Variants in RABGAP1L observed in about 807,000 individuals in gnomAD.
RABGAP1L encodes RAB GTPase activating protein 1 like.
A neutral mutation model predicts 137.7 loss-of-function variants in RABGAP1L; 63 were observed. That is an observed-to-expected ratio of 0.46 (90% CI 0.37 to 0.56). The LOEUF (loss-of-function observed/expected upper bound fraction) is 0.56, where lower values mean the gene tolerates loss of function less well. Among genes scored for constraint, RABGAP1L ranks in the 20% least tolerant of loss-of-function variants. RABGAP1L has a pLI of 0.00. For synonymous variants in RABGAP1L, 431 were observed against 433.7 expected, an observed-to-expected ratio of 0.99 and a Z score of 0.08; for missense variants, 1,095 against 1,244.0, an observed-to-expected ratio of 0.88 and a Z score of 1.80.
At chr1:174,570,546 T>G (rs551855851) in intron 13 of RABGAP1L, among the ~76,000 whole-genome samples, 33 of 152,084 alleles carry the variant, frequency 2.2e-4, no homozygotes, top group African/African-American at 7.5e-4. Flanking sequence ...GAGTAAAGAT[T>G]GAAAATGAAC....
At chr1:174,195,398 C>T (rs538177125) in intron 1 of RABGAP1L, among the ~76,000 whole-genome samples, 1 of 151,906 alleles carries the variant, frequency 6.6e-6, no homozygotes, top group African/African-American at 2.4e-5. Context: ...TAATTTTTCC[C>T]TATATACTCA....
At chr1:174,526,416 G>C (rs1054639503) in intron 13 of RABGAP1L, among the ~76,000 whole-genome samples, 1 of 152,104 alleles carries the variant, frequency 6.6e-6, no homozygotes, top group Non-Finnish European at 1.5e-5. Context: ...AGGAGGATTG[G>C]TATTAGTTCT....
intron 12 of RABGAP1L, among the ~76,000 whole-genome samples, chr1:174,388,549 C>T (rs956456902): frequency 7.9e-5 from 12 of 151,782 alleles, no homozygotes; most frequent in African/African-American, 2.9e-4. Context: ...CAAAACTAAA[C>T]GTGGTAGCAA....
chr1:174,984,035 AT>A (rs1162711248), intron 24 of RABGAP1L, among the ~76,000 whole-genome samples: 1 of 133,516 alleles, frequency 7.5e-6, no homozygotes, highest in Non-Finnish European at 1.6e-5. Flanking sequence ...CCTGAAGTGA[AT>A]TTTTTTTGTA....
chr1:174,820,447 G>A (rs936830554), intron 19 of RABGAP1L, among the ~76,000 whole-genome samples: 3 of 152,162 alleles, frequency 2.0e-5, no homozygotes, highest in African/African-American at 7.2e-5. Context: ...CTTTTGAGCT[G>A]GTAGTTTCTG....
intron 11 of RABGAP1L, among the ~76,000 whole-genome samples, chr1:174,349,221 C>T (rs1372003993): frequency 5.5e-4 from 63 of 115,036 alleles, no homozygotes; most frequent in East Asian, 5.1e-3. Context: ...GCTGGCCGGG[C>T]GGGGGGGCTG....
chr1:174,903,518 A>G (rs973754217), intron 19 of RABGAP1L, among the ~76,000 whole-genome samples: 2 of 152,208 alleles, frequency 1.3e-5, no homozygotes, highest in Admixed American at 6.5e-5. Context: ...GGAAAATAAA[A>G]TGTTCATGTG....
In RABGAP1L at chr1:174,291,194, ACT is replaced by A. The variant is rs540297280; in HGVS notation, c.1323+12418_1323+12419del. 5.7e-3 allele frequency among the ~76,000 whole-genome samples: 855 copies of A among 150,400 alleles called. 10 individuals carry two copies. The highest frequency in any genetic ancestry group is 0.02 in the African/African-American group (806 of 41,016). ...TCTTCCCCCTGTGAACAGTGTTGAA[ACT>A]CTATCAAATATTTTTCTGCATCTTT... On this transcript the variant is annotated intron_variant, in intron 10 of 25. Transcript: ENST00000681986.
intron 1 of RABGAP1L, among the ~76,000 whole-genome samples, chr1:174,194,648 G>A (rs1003844876): frequency 3.3e-5 from 5 of 152,292 alleles, no homozygotes; most frequent in Non-Finnish European, 5.9e-5. Context: ...TGCTAAGATT[G>A]TTATCAGTTA....
chr1:174,317,514 G>C (rs1203695089), intron 11 of RABGAP1L, among the ~76,000 whole-genome samples: 1 of 152,218 alleles, frequency 6.6e-6, no homozygotes, highest in East Asian at 1.9e-4. Flanking sequence ...TGGTATCCAA[G>C]ATGTAAGACA....
chr1:174,973,921 A>AGGG (rs1670388177), intron 21 of RABGAP1L, among the ~76,000 whole-genome samples: 1 of 150,606 alleles, frequency 6.6e-6, no homozygotes, highest in Non-Finnish European at 1.5e-5. Flanking sequence ...CTGCAGTTAC[A>AGGG]GGGAGAGAGT....
At chr1:174,471,566 A>G (rs1657939841) in intron 13 of RABGAP1L, among the ~76,000 whole-genome samples, 1 of 152,222 alleles carries the variant, frequency 6.6e-6, no homozygotes, top group Non-Finnish European at 1.5e-5. Context: ...ACTGTCACAA[A>G]TAGCTCTAAT....
intron 13 of RABGAP1L, among the ~76,000 whole-genome samples, chr1:174,631,742 C>T (rs1313651440): frequency 7.1e-6 from 1 of 141,494 alleles, no homozygotes; most frequent in Non-Finnish European, 1.5e-5. Flanking sequence ...TTTCCATTTG[C>T]TTGGTAGATC....
At position 174,491,632 on chromosome 1, in the gene RABGAP1L, C is replaced by T. The variant is rs1309067466; in HGVS notation, c.1710+97487C>T. Among the ~76,000 whole-genome samples, 3 of 152,120 alleles carry T rather than the reference C, an allele frequency of 2.0e-5. No individual in the cohort carries two copies. In the East Asian group the frequency reaches 5.8e-4, roughly 29 times the overall value. On this transcript the variant is annotated intron_variant, in intron 13 of 25. Coordinates refer to ENST00000681986, the MANE Select transcript of RABGAP1L (RefSeq NM_001366446.1). ...TCCCCCCAGTCCACTGGCTCTGACA[C>T]CAGCCCAGCACAAGGACTCACCTAC...
chr1:174,317,582 G>A (rs1679498364), intron 11 of RABGAP1L, among the ~76,000 whole-genome samples: 1 of 152,086 alleles, frequency 6.6e-6, no homozygotes, highest in Non-Finnish European at 1.5e-5. Context: ...GTCTTTTGGA[G>A]CTGTGAGCTA....
chr1:174,919,783 G>A (rs1466677474), intron 19 of RABGAP1L, among the ~76,000 whole-genome samples: 1 of 152,140 alleles, frequency 6.6e-6, no homozygotes. Context: ...TTGAGCCCAG[G>A]AGTTTCAGGC....
At chr1:174,499,073 C>A (rs1572064270) in intron 13 of RABGAP1L, among the ~76,000 whole-genome samples, 1 of 151,884 alleles carries the variant, frequency 6.6e-6, no homozygotes, top group Admixed American at 6.6e-5. Context: ...CAAAATATCA[C>A]AATGAACATA....
intron 20 of RABGAP1L, among the ~76,000 whole-genome samples, chr1:174,961,866 AAAAG>A (rs1433236616): frequency 5.4e-5 from 7 of 128,724 alleles, no homozygotes; most frequent in Non-Finnish European, 9.4e-5. Flanking sequence ...AAAAAAAAAA[AAAAG>A]AAACGACCAG....
At chr1:174,583,753 T>TA (rs1668914158) in intron 13 of RABGAP1L, among the ~76,000 whole-genome samples, 1 of 152,212 alleles carries the variant, frequency 6.6e-6, no homozygotes, top group Non-Finnish European at 1.5e-5. Flanking sequence ...ATACTAGACT[T>TA]ATTGCCCTTG....
Sources: allele counts gnomAD v4.1 joint callset (sites outside exome capture counted in the v4.1 genomes callset), GRCh38; gene constraint gnomAD v4.1.1; transcripts MANE v1.5; gene names NCBI Gene and HGNC (gene_info 2026-07-23, HGNC 2026-07-21).